The following NEK10 variants were observed in gnomAD, a reference collection of about 807,000 sequenced individuals.
NEK10 encodes the protein serine/threonine-protein kinase Nek10.
NEK10 carries 122 observed loss-of-function variants against 159.8 expected under a neutral mutation model. The observed-to-expected ratio is 0.76, with a 90% CI of 0.66 to 0.89. NEK10 has a LOEUF of 0.89. NEK10 is among the 40% of genes least tolerant of loss of function. The pLI is 0.00. For synonymous variants in NEK10, 466 were observed against 457.1 expected (o/e 1.02, Z -0.25); for missense variants, 1,342 against 1,323.1 (o/e 1.01, Z -0.22).
At chr3:27,225,547 G>A (rs1952550812) in intron 23 of NEK10, among the ~76,000 whole-genome samples, 1 of 152,156 alleles carries the variant, frequency 6.6e-6, no homozygotes, top group African/African-American at 2.4e-5. Flanking sequence ...CATTTACACA[G>A]GAAAACACTT....
At chr3:27,197,321 G>T (rs756531339) in intron 25 of NEK10, among the ~76,000 whole-genome samples, 2 of 151,766 alleles carry the variant, frequency 1.3e-5, no homozygotes, top group African/African-American at 4.8e-5. Context: ...AATTACAGGC[G>T]CACACCACCA....
intron 23 of NEK10, among the ~76,000 whole-genome samples, chr3:27,243,736 G>C (rs1559351506): frequency 6.6e-6 from 1 of 152,016 alleles, no homozygotes; most frequent in African/African-American, 2.4e-5. Context: ...GGAGGTCCCT[G>C]TTCTACCCTA....
chr3:27,113,525 T>A (rs1325157109), intron 35 of NEK10, among the ~76,000 whole-genome samples: 1 of 151,878 alleles, frequency 6.6e-6, no homozygotes, highest in East Asian at 1.9e-4. Context: ...TTTGGAGCAC[T>A]TTAAGAAAAT....
At chr3:27,283,676 G>T (rs1461009820) in intron 22 of NEK10, among the ~76,000 whole-genome samples, 3 of 152,184 alleles carry the variant, frequency 2.0e-5, no homozygotes, top group Admixed American at 6.5e-5. Flanking sequence ...TTATGAGTAA[G>T]AATTCAACAA....
intron 25 of NEK10, among the ~76,000 whole-genome samples, chr3:27,196,414 G>T (rs1052172023): frequency 1.3e-5 from 2 of 152,146 alleles, no homozygotes; most frequent in Admixed American, 6.5e-5. Context: ...CATCTGAGGG[G>T]TTCTTGCCTG....
At chr3:27,218,211 C>T (rs66941564) in intron 23 of NEK10, among the ~76,000 whole-genome samples, 1,753 of 152,112 alleles carry the variant, frequency 0.012, 10 homozygotes, top group South Asian at 0.021. Context: ...CAGAATGGTA[C>T]GCAATTTAAA....
intron 23 of NEK10, chr3:27,215,000 G>A: frequency 3.0e-6 from 2 of 671,066 alleles, no homozygotes; most frequent in Middle Eastern, 2.9e-4. Flanking sequence ...TCCCACTTCC[G>A]GCCAAGCTCC....
chr3:27,293,555 C>CTAA, intron 16 of NEK10, 33 bp downstream of exon 16: 2 of 1,172,096 alleles, frequency 1.7e-6, no homozygotes, highest in Non-Finnish European at 2.5e-6. Flanking sequence ...TCTCCTAAAC[C>CTAA]TAATGATCAC....
chr3:27,206,495 T>C (rs1030484752), intron 23 of NEK10: 1 of 711,642 alleles, frequency 1.4e-6, no homozygotes, highest in African/African-American at 1.9e-5. Context: ...GGTTCCTTCC[T>C]CCCTCTCAGA....
At chr3:27,221,872 T>C (rs1425296755) in intron 23 of NEK10, among the ~76,000 whole-genome samples, 1 of 152,202 alleles carries the variant, frequency 6.6e-6, no homozygotes, top group Non-Finnish European at 1.5e-5. Context: ...AGTTGAGACC[T>C]CCTTAGGGAG....
chr3:27,345,572 G>T (rs1253217708), intron 4 of NEK10, among the ~76,000 whole-genome samples: 1 of 152,170 alleles, frequency 6.6e-6, no homozygotes, highest in Non-Finnish European at 1.5e-5. Context: ...GCTCCCGAGA[G>T]GGGAGTGGCC....
At chr3:27,236,526 T>C (rs1466256043) in intron 23 of NEK10, among the ~76,000 whole-genome samples, 12 of 152,074 alleles carry the variant, frequency 7.9e-5, no homozygotes, top group Non-Finnish European at 1.5e-4. Flanking sequence ...TCCCTAAGTG[T>C]CGGCCAGTCT....
At chr3:27,175,512 ATG>A (rs1473521102) in intron 26 of NEK10, among the ~76,000 whole-genome samples, 1 of 152,204 alleles carries the variant, frequency 6.6e-6, no homozygotes, top group African/African-American at 2.4e-5. Flanking sequence ...TGCAAAAATT[ATG>A]TCTCAAGGGT....
chr3:27,240,863 AG>A (rs201012989), intron 23 of NEK10, among the ~76,000 whole-genome samples: 3,754 of 152,202 alleles, frequency 0.025, 159 homozygotes, highest in African/African-American at 0.086. Flanking sequence ...CATGTTGGCC[AG>A]GCTGGTCTCG....
chr3:27,195,213 C>T (rs1949458883), intron 25 of NEK10, among the ~76,000 whole-genome samples: 1 of 152,186 alleles, frequency 6.6e-6, no homozygotes, highest in Non-Finnish European at 1.5e-5. Flanking sequence ...ATTTCAAAGG[C>T]TCTATCAAAT....
chr3:27,294,866 C>A (rs1460237912), intron 15 of NEK10, among the ~76,000 whole-genome samples: 1 of 152,056 alleles, frequency 6.6e-6, no homozygotes, highest in Non-Finnish European at 1.5e-5. Context: ...TCTGCCAATA[C>A]CCACTCCTCA....
chr3:27,303,351 C>T (rs1357426316), intron 12 of NEK10, among the ~76,000 whole-genome samples: 1 of 152,090 alleles, frequency 6.6e-6, no homozygotes, highest in East Asian at 1.9e-4. Flanking sequence ...TACAGAATTT[C>T]ATTTTATCCT....
Position 27,290,702 on chromosome 3 carries a change from T to C in NEK10, c.1658A>G (p.His553Arg). 1.2e-6 allele frequency: 2 copies of C among 1,609,460 alleles called. No homozygotes were observed. Among genetic ancestry groups the C allele is most frequent in the Non-Finnish European group, 1.7e-6 (2 of 1,176,418 alleles). The change falls in exon 19 of 36, where the codon CAT (histidine) becomes CGT (arginine). Residue 553 changes from histidine (H) to arginine (R), a missense_variant. Coordinates refer to ENST00000691995, the MANE Select transcript of NEK10 (RefSeq NM_001394966.1). ...NLLAMKEVNL[H>R]NPAFGKDKKD... ...CTTATCCTTTCCAAATGCTGGGTTA[T>C]GTAAATTGACCTCTTTCATTGCTAA... is the stretch of plus-strand genomic sequence containing the variant.
At chr3:27,282,839 A>G (rs781250531) in intron 22 of NEK10, among the ~76,000 whole-genome samples, 120 of 151,324 alleles carry the variant, frequency 7.9e-4, no homozygotes, top group Non-Finnish European at 1.3e-3. Flanking sequence ...AAATAAATAA[A>G]TTATAAAAAA....
Sources: gnomAD v4.1 joint callset for allele counts (sites outside exome capture counted in the v4.1 genomes callset) on GRCh38, gnomAD v4.1.1 for gene constraint, MANE v1.5 for transcripts, NCBI Gene and HGNC (gene_info 2026-07-23, HGNC 2026-07-21) for gene names.